Variants in DLGAP2 observed in about 807,000 individuals in gnomAD.
DLGAP2 encodes DLG associated protein 2, also known as disks large-associated protein 2.
Under a neutral mutation model 100.3 loss-of-function variants are expected in DLGAP2, and 26 were observed. The ratio of observed to expected loss-of-function variants is 0.26; its 90% confidence interval spans 0.19 to 0.36. The LOEUF (loss-of-function observed/expected upper bound fraction) is 0.36. Among genes scored for constraint, DLGAP2 ranks in the 10% least tolerant of loss-of-function variants. The pLI, the probability that DLGAP2 is intolerant of heterozygous loss-of-function variation, is 1.00. For synonymous variants in DLGAP2, 886 were observed against 630.1 expected (o/e 1.41, Z -6.08); for missense variants, 1,858 against 1,453.2 (o/e 1.28, Z -4.53).
intron 1 of DLGAP2, among the ~76,000 whole-genome samples, chr8:873,032 C>A (rs575289478): frequency 6.6e-6 from 1 of 152,040 alleles, no homozygotes; most frequent in Non-Finnish European, 1.5e-5. Context: ...GTACTATGTG[C>A]ATGTATGCAT....
intron 2 of DLGAP2, among the ~76,000 whole-genome samples, chr8:1,226,134 C>G (rs1798410620): frequency 6.6e-6 from 1 of 152,020 alleles, no homozygotes; most frequent in African/African-American, 2.4e-5. Context: ...ATAAATAGCT[C>G]AGTTTAAACC....
At chr8:1,298,144 G>C (rs111444691) in intron 3 of DLGAP2, among the ~76,000 whole-genome samples, 1 of 151,378 alleles carries the variant, frequency 6.6e-6, no homozygotes, top group African/African-American at 2.4e-5. Context: ...ACGTGAGACA[G>C]GGAGGAGAAA....
intron 1 of DLGAP2, among the ~76,000 whole-genome samples, chr8:738,317 C>T (rs568584623): frequency 4.4e-4 from 65 of 147,422 alleles, no homozygotes; most frequent in African/African-American, 1.6e-3. Flanking sequence ...GGGTGCCGGG[C>T]TGGGCTGCGC....
intron 2 of DLGAP2, among the ~76,000 whole-genome samples, chr8:1,084,337 T>C (rs1803904667): frequency 6.6e-6 from 1 of 152,254 alleles, no homozygotes. Context: ...CATAGAACAA[T>C]TAAGCTAATT....
intron 1 of DLGAP2, among the ~76,000 whole-genome samples, chr8:857,650 G>T (rs528962017): frequency 3.3e-5 from 5 of 152,274 alleles, no homozygotes; most frequent in African/African-American, 1.2e-4. Flanking sequence ...TGCTGGAATG[G>T]CCAAGATCCA....
chr8:1,593,747 C>G (rs978763642), intron 6 of DLGAP2, among the ~76,000 whole-genome samples: 6 of 152,156 alleles, frequency 3.9e-5, no homozygotes, highest in African/African-American at 1.4e-4. Context: ...GGAGTCTGGC[C>G]CACTCTGGTT....
chr8:842,999 G>C (rs376167659), intron 1 of DLGAP2, among the ~76,000 whole-genome samples: 31 of 152,136 alleles, frequency 2.0e-4, no homozygotes, highest in African/African-American at 6.3e-4. Context: ...TGCCTCTCTG[G>C]CGGGCTTTCG....
At chr8:1,382,722 A>AG (rs1796125210) in intron 3 of DLGAP2, among the ~76,000 whole-genome samples, 1 of 152,214 alleles carries the variant, frequency 6.6e-6, no homozygotes, top group African/African-American at 2.4e-5. Context: ...AGCCTGGGCA[A>AG]CCCAGTGAGA....
Position 1,268,356 on chromosome 8 carries a change from T to C in DLGAP2, c.106+9473T>C, listed in dbSNP as rs111623640. Among the ~76,000 whole-genome samples, 579 of 152,300 alleles carry C rather than the reference T, an allele frequency of 3.8e-3. 3 individuals carry two copies. The highest frequency in any genetic ancestry group is 0.013 in the African/African-American group (544 of 41,556). ...AGCATATTTGGGAGATGGAAATATA[T>C]GCAATTGCATGTTGAGGAAAAGAAA... is the stretch of plus-strand genomic sequence containing the variant. On this transcript the variant is annotated intron_variant, in intron 3 of 14. Coordinates refer to ENST00000637795, the MANE Select transcript of DLGAP2 (RefSeq NM_001346810.2).
chr8:1,673,662 C>T (rs910545568), intron 10 of DLGAP2, among the ~76,000 whole-genome samples: 1 of 152,232 alleles, frequency 6.6e-6, no homozygotes, highest in Non-Finnish European at 1.5e-5. Context: ...TTGAGTCAGG[C>T]CTCAGGCTGA....
intron 3 of DLGAP2, among the ~76,000 whole-genome samples, chr8:1,311,415 C>G (rs1410146134): frequency 6.6e-6 from 1 of 152,166 alleles, no homozygotes; most frequent in Non-Finnish European, 1.5e-5. Context: ...GAAACAATTC[C>G]TAACACATTC....
At chr8:1,367,860 T>C (rs79856297) in intron 3 of DLGAP2, among the ~76,000 whole-genome samples, 2,975 of 152,290 alleles carry the variant, frequency 0.02, 90 homozygotes, top group African/African-American at 0.066. Flanking sequence ...ACATAAATCA[T>C]ATATAAACTG....
At chr8:1,447,567 C>T (rs1798016150) in intron 3 of DLGAP2, among the ~76,000 whole-genome samples, 1 of 152,320 alleles carries the variant, frequency 6.6e-6, no homozygotes, top group East Asian at 1.9e-4. Flanking sequence ...TGTGTCTCTG[C>T]CCGGCTTTGG....
At chr8:1,285,444 A>C (rs926446374) in intron 3 of DLGAP2, among the ~76,000 whole-genome samples, 1 of 152,216 alleles carries the variant, frequency 6.6e-6, no homozygotes. Flanking sequence ...ATTTGAGAAG[A>C]ATATGCTTAT....
rs189435528 is a variant in DLGAP2 at position 1,649,007 on chromosome 8, C to T, written c.1810+15961C>T. On this transcript the variant is annotated intron_variant, in intron 8 of 14. Transcript: ENST00000637795. ...CCACCACGAGGTCATCCTTGGATGG[C>T]GTCTGAACACATGTCTGGGGAGAGG... Among the ~76,000 whole-genome samples the T allele has an allele frequency of 5.3e-5, 8 of 152,198 alleles. No individual in the cohort carries two copies. In the East Asian group the frequency reaches 1.2e-3, roughly 22 times the overall value.
chr8:1,588,380 T>G (rs1796189691), intron 6 of DLGAP2, among the ~76,000 whole-genome samples: 1 of 152,156 alleles, frequency 6.6e-6, no homozygotes, highest in African/African-American at 2.4e-5. Flanking sequence ...TAGAACCCGG[T>G]GCTAACCTTG....
intron 1 of DLGAP2, among the ~76,000 whole-genome samples, chr8:768,418 A>ATTTTT (rs58234397): frequency 3.0e-4 from 30 of 99,958 alleles, no homozygotes; most frequent in South Asian, 7.5e-4. Flanking sequence ...GAAGGCGTTG[A>ATTTTT]TTTTTTTTTT....
At chr8:1,065,388 C>G (rs142798784) in intron 2 of DLGAP2, among the ~76,000 whole-genome samples, 135 of 152,340 alleles carry the variant, frequency 8.9e-4, no homozygotes, top group Non-Finnish European at 1.8e-3. Flanking sequence ...TGTGAAATGA[C>G]TTTCCTGACC....
At chr8:1,552,794 G>T (rs1801814087) in intron 5 of DLGAP2, among the ~76,000 whole-genome samples, 2 of 152,224 alleles carry the variant, frequency 1.3e-5, no homozygotes, top group Admixed American at 1.3e-4. Context: ...CCCTTGGTTT[G>T]TACAGAGTAT....
Sources: allele counts gnomAD v4.1 joint callset (sites outside exome capture counted in the v4.1 genomes callset), GRCh38; gene constraint gnomAD v4.1.1; transcripts MANE v1.5; gene names NCBI Gene and HGNC (gene_info 2026-07-23, HGNC 2026-07-21).